Variants in NTM observed in about 807,000 individuals in gnomAD.
NTM encodes the protein IgLON family member 2.
In NTM, 13 loss-of-function variants were observed where a neutral mutation model predicts 42.1. The observed-to-expected ratio is 0.31, with a 90% CI of 0.20 to 0.49. The LOEUF (loss-of-function observed/expected upper bound fraction) is 0.49. Ranked by LOEUF, NTM falls within the 20% of genes least tolerant of loss-of-function variation. The pLI is 0.99. For synonymous variants in NTM, 187 were observed against 179.2 expected (o/e 1.04, Z -0.35); for missense variants, 373 against 452.8 (o/e 0.82, Z 1.60).
chr11:131,478,283 C>T (rs2136218989), intron 1 of NTM, among the ~76,000 whole-genome samples: 1 of 152,232 alleles, frequency 6.6e-6, no homozygotes, highest in South Asian at 2.1e-4. Flanking sequence ...ATTAATTTGC[C>T]TTTCTCTTTG....
chr11:132,193,025 G>A (rs890823021), intron 3 of NTM, among the ~76,000 whole-genome samples: 10 of 152,066 alleles, frequency 6.6e-5, no homozygotes, highest in Non-Finnish European at 1.5e-5. Flanking sequence ...GATCTACAAA[G>A]ATATTTAGAT....
chr11:132,245,327 G>T (rs1339667755), intron 4 of NTM, among the ~76,000 whole-genome samples: 1 of 152,106 alleles, frequency 6.6e-6, no homozygotes, highest in African/African-American at 2.4e-5. Flanking sequence ...AAAGCATTCA[G>T]ACGGGAGGTG....
At chr11:131,491,987 T>A (rs1954850527) in intron 1 of NTM, among the ~76,000 whole-genome samples, 1 of 152,132 alleles carries the variant, frequency 6.6e-6, no homozygotes, top group African/African-American at 2.4e-5. Flanking sequence ...GCCTAACAAC[T>A]CTGCAAGGCA....
rs117339898 is a variant in NTM at position 131,937,875 on chromosome 11, G to A, written c.167+26227G>A. 6.3e-3 allele frequency among the ~76,000 whole-genome samples: 966 copies of A among 152,274 alleles called. 4 individuals carry two copies. The highest frequency in any genetic ancestry group is 0.011 in the Admixed American group (162 of 15,296). On this transcript the variant is annotated intron_variant, in intron 2 of 8. Transcript: ENST00000683400. ...GTCTCAAAGGGCGGGTAAAAAATGA[G>A]ATTCTTTCTTTAGGTTGCACGTAGC...
At chr11:132,173,275 T>C (rs889205760) in intron 3 of NTM, among the ~76,000 whole-genome samples, 1 of 152,230 alleles carries the variant, frequency 6.6e-6, no homozygotes, top group Admixed American at 6.5e-5. Flanking sequence ...TCAAGAGAAG[T>C]TAAATCTATC....
At chr11:131,410,361 C>T (rs1344021534) in intron 1 of NTM, among the ~76,000 whole-genome samples, 1 of 151,486 alleles carries the variant, frequency 6.6e-6, no homozygotes, top group African/African-American at 2.4e-5. Context: ...TGGTGCATAC[C>T]CGTGGTCCCA....
intron 1 of NTM, among the ~76,000 whole-genome samples, chr11:131,875,876 T>A (rs1327500185): frequency 6.6e-6 from 1 of 152,180 alleles, no homozygotes; most frequent in African/African-American, 2.4e-5. Flanking sequence ...AGAACTGTTT[T>A]TCAGTTCCTG....
At chr11:131,728,295 G>C (rs2079199033) in intron 1 of NTM, among the ~76,000 whole-genome samples, 1 of 152,174 alleles carries the variant, frequency 6.6e-6, no homozygotes, top group Admixed American at 6.5e-5. Flanking sequence ...TGACCAACCT[G>C]CTACAAATCA....
chr11:131,593,526 C>A (rs1019960890), intron 1 of NTM, among the ~76,000 whole-genome samples: 5 of 152,230 alleles, frequency 3.3e-5, no homozygotes, highest in African/African-American at 7.2e-5. Context: ...GCCCCGCCCC[C>A]CTGCCATAGC....
Position 132,217,356 on chromosome 11 carries a change from T to TTTTG in NTM, c.526+5210_526+5211insTTGT, listed in dbSNP as rs1555319443. 1.3e-3 allele frequency among the ~76,000 whole-genome samples: 171 copies of TTTTG among 135,324 alleles called. 1 individual carries two copies. The highest frequency in any genetic ancestry group is 4.4e-3 in the African/African-American group (161 of 36,210). The allele number at this position is 135,324 out of a possible 152,430, so 88.8% of individuals were successfully genotyped here. A position where few individuals can be genotyped will look rare whatever the true frequency, so the allele number is the denominator to read the frequency against. On this transcript the variant is annotated intron_variant, in intron 4 of 8. Coordinates refer to ENST00000683400, the MANE Select transcript of NTM (RefSeq NM_001352005.2). ...TGCCTCTTTCTCTCTCTCTCTCTCT[T>TTTTG]TCTGTGTGTGTGTGTGTGTGTGTGT...
intron 4 of NTM, among the ~76,000 whole-genome samples, chr11:132,246,932 G>A (rs920774025): frequency 6.6e-6 from 1 of 152,166 alleles, no homozygotes; most frequent in Non-Finnish European, 1.5e-5. Flanking sequence ...ACTGTCCTGC[G>A]TCTTCCCAGG....
At chr11:132,119,183 G>T (rs1401733137) in intron 2 of NTM, among the ~76,000 whole-genome samples, 2 of 152,136 alleles carry the variant, frequency 1.3e-5, no homozygotes, top group Non-Finnish European at 2.9e-5. Context: ...AGCTCCCCAG[G>T]GCTGTAGCTC....
chr11:131,872,736 C>A (rs936110235), intron 1 of NTM, among the ~76,000 whole-genome samples: 1 of 152,106 alleles, frequency 6.6e-6, no homozygotes, highest in African/African-American at 2.4e-5. Flanking sequence ...AAGCTGGTAC[C>A]ATTAAGATTT....
At chr11:131,381,126 G>A (rs1010611562) in intron 1 of NTM, among the ~76,000 whole-genome samples, 7 of 152,200 alleles carry the variant, frequency 4.6e-5, no homozygotes, top group Non-Finnish European at 4.4e-5. Flanking sequence ...GGGGAAGGGG[G>A]AAGAACCTAC....
At chr11:131,667,402 C>T (rs1389934361) in intron 1 of NTM, among the ~76,000 whole-genome samples, 1 of 152,198 alleles carries the variant, frequency 6.6e-6, no homozygotes, top group Non-Finnish European at 1.5e-5. Flanking sequence ...GAAAGCCTTC[C>T]TGATCCCCAG....
intron 1 of NTM, among the ~76,000 whole-genome samples, chr11:131,496,144 T>C (rs1955316293): frequency 6.6e-6 from 1 of 152,226 alleles, no homozygotes; most frequent in Non-Finnish European, 1.5e-5. Flanking sequence ...ACTGGGATTT[T>C]CTGGGTGCAG....
intron 1 of NTM, among the ~76,000 whole-genome samples, chr11:131,645,075 C>A (rs1477621351): frequency 6.6e-6 from 1 of 152,092 alleles, no homozygotes; most frequent in East Asian, 1.9e-4. Flanking sequence ...GAGCCCTGAC[C>A]AGACTCTAGG....
chr11:131,874,034 T>TAATATA lies in NTM; in HGVS notation c.83-37529_83-37528insATATAA, dbSNP rs1359658670. 4.4e-3 allele frequency among the ~76,000 whole-genome samples: 113 copies of TAATATA among 25,506 alleles called. 2 individuals carry two copies. Among genetic ancestry groups the TAATATA allele is most frequent in the African/African-American group, 0.033 (104 of 3,176 alleles). The allele number at this position is 25,506 out of a possible 152,430, so 16.7% of individuals were successfully genotyped here. ...TATATTTATATAATATAATATAATATATATATATATATATATATATATATA... is the reference window on the plus strand; with the variant it reads ...TATATTTATATAATATAATATAATATAATATAATATATATATATATATATATATATA... On this transcript the variant is annotated intron_variant, in intron 1 of 8. Coordinates refer to ENST00000683400, the MANE Select transcript of NTM (RefSeq NM_001352005.2).
intron 2 of NTM, among the ~76,000 whole-genome samples, chr11:132,066,437 T>G (rs1041090926): frequency 3.3e-5 from 5 of 152,232 alleles, no homozygotes; most frequent in African/African-American, 9.6e-5. Context: ...TCATTTTAGT[T>G]TTCTGTAGGA....
Sources: gnomAD v4.1 joint callset for allele counts (sites outside exome capture counted in the v4.1 genomes callset) on GRCh38, gnomAD v4.1.1 for gene constraint, MANE v1.5 for transcripts, NCBI Gene and HGNC (gene_info 2026-07-23, HGNC 2026-07-21) for gene names.